FAM98B: variants seen among roughly 807,000 people sequenced by gnomAD.
The protein encoded by FAM98B is tRNA-splicing ligase complex subunit FAM98B.
Under a neutral mutation model 43.9 loss-of-function variants are expected in FAM98B, and 32 were observed. The ratio of observed to expected loss-of-function variants is 0.73; its 90% CI spans 0.55 to 0.98. FAM98B has a LOEUF of 0.98. FAM98B is among the 50% of genes least tolerant of loss of function. The pLI, the probability that FAM98B is intolerant of heterozygous loss-of-function variation, is 0.00. For missense variants in FAM98B, 514 were observed against 522.9 expected, an observed-to-expected ratio of 0.98 and a Z score of 0.17; for synonymous variants, 190 against 174.0, an observed-to-expected ratio of 1.09 and a Z score of -0.72.
intron 3 of FAM98B, among the ~76,000 whole-genome samples, chr15:38,467,116 G>A (rs2141055492): frequency 6.6e-6 from 1 of 152,152 alleles, no homozygotes; most frequent in Admixed American, 6.5e-5. Flanking sequence ...CTTAGACAAA[G>A]ATTAGGAACA....
rs369820208 is a variant in FAM98B, at chr15:38,476,336, T to C, written c.729+2038T>C. Reference sequence around the variant, plus strand: ...CTTGGAGTTCTGAAATTGCACAATATGTGTTGGTCTGAATTTTTTTTCATT... The same window carrying C: ...CTTGGAGTTCTGAAATTGCACAATACGTGTTGGTCTGAATTTTTTTTCATT... On this transcript the variant is annotated intron_variant, in intron 6 of 7. Coordinates refer to ENST00000397609, the MANE Select transcript of FAM98B (RefSeq NM_173611.4). 3.9e-5 allele frequency among the ~76,000 whole-genome samples: 6 copies of C among 152,200 alleles called. No individual in the cohort carries two copies. In the East Asian group the frequency reaches 5.8e-4, roughly 15 times the overall value.
Position 38,481,340 on chromosome 15 carries a change from T to G in FAM98B, c.778T>G (p.Leu260Val). The change falls in exon 7 of 8, where the codon TTG becomes GTG. Residue 260 changes from leucine to valine, a missense_variant. Physicochemically the swap from Leu to Val is conservative, Grantham distance 32 (BLOSUM62 1). This residue lies in a region of FAM98B where 469 missense variants were observed against 451.8 expected (regional missense o/e 1.04). Coordinates refer to ENST00000397609, the MANE Select transcript of FAM98B (RefSeq NM_173611.4). Reference protein sequence around the residue: ...ARIYQPKRYALSPKTTITMAH... With the variant: ...ARIYQPKRYAVSPKTTITMAH... ...AATTTATCAGCCTAAGCGTTATGCT[T>G]TGTCACCCAAGACAACGATTACAAT... 1 of 1,614,168 alleles carries G rather than the reference T, an allele frequency of 6.2e-7. No homozygotes were observed. Among genetic ancestry groups the G allele is most frequent in the Non-Finnish European group, 8.5e-7 (1 of 1,180,018 alleles).
intron 1 of FAM98B, among the ~76,000 whole-genome samples, chr15:38,457,466 A>G (rs1247682781): frequency 1.3e-5 from 2 of 152,216 alleles, no homozygotes; most frequent in Non-Finnish European, 2.9e-5. Flanking sequence ...TAATGATGAT[A>G]TCAAAGAATA....
At chr15:38,464,233 G>C in intron 2 of FAM98B, 56 bp downstream of exon 2, 1 of 1,477,170 alleles carries the variant, frequency 6.8e-7, no homozygotes, top group Admixed American at 2.1e-5. Flanking sequence ...GATAACTTAC[G>C]GTTTATAGTT....
intron 6 of FAM98B, among the ~76,000 whole-genome samples, chr15:38,480,195 T>G (rs1471447259): frequency 6.6e-6 from 1 of 152,206 alleles, no homozygotes; most frequent in Non-Finnish European, 1.5e-5. Context: ...AAATTGAAAA[T>G]TAAACCTCAA....
intron 4 of FAM98B, among the ~76,000 whole-genome samples, chr15:38,471,966 G>T (rs1475292456): frequency 6.6e-6 from 1 of 152,094 alleles, no homozygotes; most frequent in East Asian, 1.9e-4. Flanking sequence ...GTGGTTATGG[G>T]TAATACATCA....
Position 38,485,622 on chromosome 15 carries a change from C to T in FAM98B, c.*963C>T, listed in dbSNP as rs565735405. ...ATTTGCTAGTTGGAGCAGTCAAAGT[C>T]TTAGCTATCAAGAGTTGTGAATTTG... is the stretch of plus-strand genomic sequence containing the variant. On this transcript the variant is annotated 3_prime_UTR_variant, in exon 8 of 8. Transcript: ENST00000397609. The T allele has an allele frequency of 6.6e-6, 1 of 152,290 alleles. No homozygotes were observed. The highest frequency in any genetic ancestry group is 1.9e-4 in the East Asian group (1 of 5,182). The allele number at this position is 152,290 out of a possible 1,614,324, so 9.4% of individuals were successfully genotyped here.
At chr15:38,462,844 G>T (rs186199384) in intron 1 of FAM98B, among the ~76,000 whole-genome samples, 5 of 152,104 alleles carry the variant, frequency 3.3e-5, no homozygotes, top group Admixed American at 2.6e-4. Context: ...AAAAGAATCG[G>T]GGCTCCTTGG....
chr15:38,465,125 A>G, intron 2 of FAM98B, 144 bp from the exon 3 acceptor site: 1 of 686,148 alleles, frequency 1.5e-6, no homozygotes, highest in Non-Finnish European at 2.3e-6. Context: ...TCAGTTGTTA[A>G]CGTAAGCTTC....
chr15:38,455,651 TTAG>T (rs1330152462), intron 1 of FAM98B, among the ~76,000 whole-genome samples: 2 of 152,198 alleles, frequency 1.3e-5, no homozygotes, highest in Non-Finnish European at 2.9e-5. Context: ...CTGAAAATAC[TTAG>T]TAGAATTATT....
At chr15:38,466,358 A>C (rs1364986554) in intron 3 of FAM98B, among the ~76,000 whole-genome samples, 2 of 152,206 alleles carry the variant, frequency 1.3e-5, no homozygotes, top group Middle Eastern at 3.4e-3. Context: ...GATTTAATGA[A>C]CCACTGTTAT....
rs767458011 is a variant in FAM98B at position 38,474,257 on chromosome 15, G to A, written c.688G>A (p.Asp230Asn). ...CCGACGAATGTTAATGAAACGATTAGATGTGACTGTACAGTCCTTTGGATG... is the reference window on the plus strand; with the variant it reads ...CCGACGAATGTTAATGAAACGATTAAATGTGACTGTACAGTCCTTTGGATG... ...CRRRMLMKRL[D>N]VTVQSFGWSD... The change falls in exon 6 of 8, where the codon GAT becomes AAT. Residue 230 changes from aspartate (D) to asparagine (N), a missense_variant. This residue lies in a region of FAM98B where 469 missense variants were observed against 451.8 expected (regional missense o/e 1.04). Transcript: ENST00000397609. 2 of 1,613,772 alleles carry A rather than the reference G, an allele frequency of 1.2e-6. No homozygotes were observed. The highest frequency in any genetic ancestry group is 1.7e-6 in the Non-Finnish European group (2 of 1,179,770).
At position 38,487,118 on chromosome 15, in the gene FAM98B, A is replaced by G. The variant is rs1890388883; in HGVS notation, c.*2459A>G. 1 of 151,980 alleles carries G rather than the reference A, an allele frequency of 6.6e-6. No individual in the cohort carries two copies. The highest frequency in any genetic ancestry group is 1.5e-5 in the Non-Finnish European group (1 of 67,922). The allele number at this position is 151,980 out of a possible 1,614,324, so 9.4% of individuals were successfully genotyped here. On this transcript the variant is annotated 3_prime_UTR_variant, in exon 8 of 8. Coordinates refer to ENST00000397609, the MANE Select transcript of FAM98B (RefSeq NM_173611.4). ...CCTAAAGTAGTCATCTTTCCTCTCG[A>G]CCGTATAAAGAGCATGTATTCTGTC...
rs906895670 is a variant in FAM98B, at chr15:38,484,153, CTTAAAT to C, written c.898-101_898-96del. 70 of 1,045,680 alleles carry C rather than the reference CTTAAAT, an allele frequency of 6.7e-5. No homozygotes were observed. In the African/African-American group the frequency reaches 1.0e-3, roughly 15 times the overall value. The allele number at this position is 1,045,680 out of a possible 1,614,324, so 64.8% of individuals were successfully genotyped here. A position where few individuals can be genotyped will look rare whatever the true frequency, so the allele number is the denominator to read the frequency against. On this transcript the variant is annotated intron_variant, in intron 7 of 7. Coordinates refer to ENST00000397609, the MANE Select transcript of FAM98B (RefSeq NM_173611.4). Reference sequence around the variant, plus strand: ...CTGCCATGTCTGGTACTTTCATGTCCTTAAATATTGGCTTCTGTTTATTAGAAACAA... The same window carrying C: ...CTGCCATGTCTGGTACTTTCATGTCCATTGGCTTCTGTTTATTAGAAACAA...
At chr15:38,469,919 C>A (rs192603381) in intron 3 of FAM98B, among the ~76,000 whole-genome samples, 1 of 151,866 alleles carries the variant, frequency 6.6e-6, no homozygotes, top group Non-Finnish European at 1.5e-5. Context: ...AGGGCTCCTC[C>A]GGTGTGAAAA....
chr15:38,473,278 C>T (rs997660003), intron 4 of FAM98B, among the ~76,000 whole-genome samples: 15 of 152,148 alleles, frequency 9.9e-5, no homozygotes, highest in Middle Eastern at 6.8e-3. Flanking sequence ...TGTGTATGTT[C>T]GTTCTTACGC....
intron 6 of FAM98B, among the ~76,000 whole-genome samples, chr15:38,475,665 A>T (rs574070213): frequency 6.6e-6 from 1 of 152,084 alleles, no homozygotes; most frequent in Non-Finnish European, 1.5e-5. Context: ...CCTTGTGATT[A>T]TATTAGGCCC....
intron 4 of FAM98B, among the ~76,000 whole-genome samples, chr15:38,470,972 A>G (rs2141057511): frequency 6.6e-6 from 1 of 151,674 alleles, no homozygotes; most frequent in Non-Finnish European, 1.5e-5. Flanking sequence ...TTCAGTTACT[A>G]AGCAACTCTT....
rs1318971356 is a variant in FAM98B, at chr15:38,486,646, C to T, written c.*1987C>T. The T allele has an allele frequency of 2.0e-5, 3 of 152,138 alleles. No individual in the cohort carries two copies. Among genetic ancestry groups the T allele is most frequent in the Non-Finnish European group, 4.4e-5 (3 of 67,982 alleles). The allele number at this position is 152,138 out of a possible 1,614,324, so 9.4% of individuals were successfully genotyped here. ...AAAGTTTAGCACTTGCTCCTGGAAT[C>T]GTGTTGGAGCTGAAACCACTCCTAT... On this transcript the variant is annotated 3_prime_UTR_variant, in exon 8 of 8. Coordinates refer to ENST00000397609, the MANE Select transcript of FAM98B (RefSeq NM_173611.4).
Sources: allele counts gnomAD v4.1 joint callset (sites outside exome capture counted in the v4.1 genomes callset), GRCh38; gene constraint gnomAD v4.1.1; regional missense constraint gnomAD v4.1.1; transcripts MANE v1.5; gene names NCBI Gene and HGNC (gene_info 2026-07-23, HGNC 2026-07-21).